The following STAT5A variants were observed in gnomAD, a reference collection of about 807,000 sequenced individuals.
STAT5A encodes the protein epididymis secretory sperm binding protein.
A neutral mutation model predicts 100.2 loss-of-function variants in STAT5A; 26 were observed. The ratio of observed to expected loss-of-function variants is 0.26; its 90% CI spans 0.19 to 0.36. The LOEUF (loss-of-function observed/expected upper bound fraction) is 0.36, where lower values mean the gene tolerates loss of function less well. STAT5A is among the 10% of genes least tolerant of loss of function. STAT5A has a pLI of 1.00. For synonymous variants in STAT5A, 330 were observed against 424.3 expected (o/e 0.78, Z 2.73); for missense variants, 634 against 1,027.5 (o/e 0.62, Z 5.24).
intron 4 of STAT5A, among the ~76,000 whole-genome samples, chr17:42,293,531 G>A (rs1292873603): frequency 2.6e-5 from 4 of 152,188 alleles, no homozygotes; most frequent in Non-Finnish European, 4.4e-5. Context: ...TTGTGGACAT[G>A]GATTTCAGGA....
chr17:42,306,559 A>ACT, intron 13 of STAT5A, 112 bp downstream of exon 13: 1 of 1,483,542 alleles, frequency 6.7e-7, no homozygotes, highest in Non-Finnish European at 9.2e-7. Context: ...ACCCCCAACC[A>ACT]CTCTCTCCTA....
chr17:42,287,941 T>G (rs1228141764), upstream of STAT5A: 1 of 152,236 alleles, frequency 6.6e-6, no homozygotes, highest in Non-Finnish European at 1.5e-5. Flanking sequence ...AATCCCCAGT[T>G]CTTCCCCTCT....
At chr17:42,306,126 C>A in intron 12 of STAT5A, 115 bp from the exon 13 acceptor site, 1 of 1,547,190 alleles carries the variant, frequency 6.5e-7, no homozygotes, top group Non-Finnish European at 8.8e-7. Flanking sequence ...ATTTGTGTCA[C>A]CTTTCTGGAT....
chr17:42,293,920 AATAG>A (rs757426183), intron 4 of STAT5A, among the ~76,000 whole-genome samples: 20 of 152,186 alleles, frequency 1.3e-4, no homozygotes, highest in Admixed American at 2.0e-4. Flanking sequence ...CATGGATAAA[AATAG>A]ATAGAGAGGG....
rs374882566 is a variant in STAT5A at position 42,311,092 on chromosome 17, G to C, written c.*423G>C. 17 of 216,576 alleles carry C rather than the reference G, an allele frequency of 7.8e-5. No homozygotes were observed. The highest frequency in any genetic ancestry group is 6.7e-4 in the East Asian group (7 of 10,418). The allele number at this position is 216,576 out of a possible 1,614,324, so 13.4% of individuals were successfully genotyped here. A position where few individuals can be genotyped will look rare whatever the true frequency, so the allele number is the denominator to read the frequency against. Reference sequence around the variant, plus strand: ...AGTGAGAAGCTTTGCCCTCCTAAGAGAGAGAGACAGAGAGACAGAGAGAGA... The same window carrying C: ...AGTGAGAAGCTTTGCCCTCCTAAGACAGAGAGACAGAGAGACAGAGAGAGA... On this transcript the variant is annotated 3_prime_UTR_variant, in exon 19 of 19. Transcript: ENST00000590949.
chr17:42,291,945 C>G, intron 3 of STAT5A, 27 bp from the exon 4 acceptor site: 1 of 1,611,610 alleles, frequency 6.2e-7, no homozygotes. Context: ...GAGGATGGCG[C>G]TGGAGGCTAC....
At chr17:42,295,402 C>T (rs2144512176) in intron 4 of STAT5A, among the ~76,000 whole-genome samples, 1 of 152,268 alleles carries the variant, frequency 6.6e-6, no homozygotes, top group South Asian at 2.1e-4. Flanking sequence ...CCGTTATCTG[C>T]CAGGTCACCT....
intron 18 of STAT5A, chr17:42,309,817 G>A (rs1367058523): frequency 4.1e-6 from 1 of 246,110 alleles, no homozygotes; most frequent in Non-Finnish European, 7.9e-6. Context: ...TCCACAGGGA[G>A]GGGCTTGGAA....
Position 42,304,506 on chromosome 17 carries a change from C to T in STAT5A, c.1258-24C>T. 1 of 1,614,162 alleles carries T rather than the reference C, an allele frequency of 6.2e-7. No individual in the cohort carries two copies. Among genetic ancestry groups the T allele is most frequent in the Non-Finnish European group, 8.5e-7 (1 of 1,180,006 alleles). On this transcript the variant is annotated intron_variant, in intron 10 of 18. Transcript: ENST00000590949. The surrounding 1 kb of genome is among the most constrained non-coding windows in gnomAD (Gnocchi z 4.8). ...TGTAAGCAGCCGCCATCTCCCTGTT[C>T]CCCTGTCACCTCCCACCCTGCAGTC...
chr17:42,308,830 A>T lies in STAT5A; in HGVS notation c.2063-217A>T, dbSNP rs1490477454. ...AGGGAGAGGGAAATCAGATGGCCAGAAAAAGAACCAGAAGGAATGGGATTC... is the reference window on the plus strand; with the variant it reads ...AGGGAGAGGGAAATCAGATGGCCAGTAAAAGAACCAGAAGGAATGGGATTC... On this transcript the variant is annotated intron_variant, in intron 16 of 18. Transcript: ENST00000590949. This position sits in a 1 kb window ranked among gnomAD's most constrained non-coding sequence, Gnocchi z 4.6. 3.3e-6 allele frequency: 2 copies of T among 612,804 alleles called. No homozygotes were observed. The highest frequency in any genetic ancestry group is 5.7e-6 in the Non-Finnish European group (2 of 347,914). 38.0% of individuals were successfully genotyped at this position (612,804 alleles called of 1,614,324 possible). A position where few individuals can be genotyped will look rare whatever the true frequency, so the allele number is the denominator to read the frequency against.
In STAT5A at chr17:42,300,123, C is replaced by G; in HGVS notation, c.682-7C>G. Reference sequence around the variant, plus strand: ...CCAGAAGGGGCTGCTCTCCTCCCTTCCCTCAGGAGCTGGCCGAGAAGCACC... The same window carrying G: ...CCAGAAGGGGCTGCTCTCCTCCCTTGCCTCAGGAGCTGGCCGAGAAGCACC... On this transcript the variant is annotated splice_polypyrimidine_tract_variant and splice_region_variant and intron_variant, in intron 6 of 18. Transcript: ENST00000590949. 1 of 1,387,926 alleles carries G rather than the reference C, an allele frequency of 7.2e-7. No homozygotes were observed. Among genetic ancestry groups the G allele is most frequent in the Non-Finnish European group, 9.7e-7 (1 of 1,027,894 alleles). The allele number at this position is 1,387,926 out of a possible 1,614,324, so 86.0% of individuals were successfully genotyped here.
chr17:42,307,510 G>GCT lies in STAT5A; in HGVS notation c.1775+15_1775+16dup. 6.2e-7 allele frequency: 1 copy of GCT among 1,614,090 alleles called. No individual in the cohort carries two copies. Among genetic ancestry groups the GCT allele is most frequent in the East Asian group, 2.2e-5 (1 of 44,882 alleles). On this transcript the variant is annotated intron_variant, in intron 14 of 18. Coordinates refer to ENST00000590949, the MANE Select transcript of STAT5A (RefSeq NM_001288718.2). Reference sequence around the variant, plus strand: ...CTGGAATGATGGGTAAGGAACGGGGGCTGCAGGGTCAGGGGCCAGCTGTGG... The same window carrying GCT: ...CTGGAATGATGGGTAAGGAACGGGGGCTCTGCAGGGTCAGGGGCCAGCTGTGG...
intron 5 of STAT5A, among the ~76,000 whole-genome samples, chr17:42,296,544 T>C (rs751398859): frequency 2.0e-5 from 3 of 152,166 alleles, no homozygotes; most frequent in Non-Finnish European, 4.4e-5. Flanking sequence ...GAACAAGGGG[T>C]GTCAAACTGC....
rs147743660 is a variant in STAT5A at position 42,288,902 on chromosome 17, C to G, written c.-11+304C>G. Among the ~76,000 whole-genome samples the G allele has an allele frequency of 8.8e-3, 1,342 of 152,328 alleles. 7 individuals are homozygous for G. Among genetic ancestry groups the G allele is most frequent in the Middle Eastern group, 0.031 (9 of 292 alleles). Reference sequence around the variant, plus strand: ...GGGAGCAGCCGAAGAGGGGAGCGCCCAAGTCCTCAGCCCTGTCTCCTGAAC... The same window carrying G: ...GGGAGCAGCCGAAGAGGGGAGCGCCGAAGTCCTCAGCCCTGTCTCCTGAAC... On this transcript the variant is annotated intron_variant, in intron 1 of 18. Transcript: ENST00000590949. The surrounding 1 kb of genome is among the most constrained non-coding windows in gnomAD (Gnocchi z 4.8).
chr17:42,304,673 G>A lies in STAT5A; in HGVS notation c.1380+21G>A. Reference sequence around the variant, plus strand: ...TGAAGGTGAGACCCCCAGCCCTCCTGCCCCCACTGCTCCAGGTCACCCAAG... The same window carrying A: ...TGAAGGTGAGACCCCCAGCCCTCCTACCCCCACTGCTCCAGGTCACCCAAG... On this transcript the variant is annotated intron_variant, in intron 11 of 18. Coordinates refer to ENST00000590949, the MANE Select transcript of STAT5A (RefSeq NM_001288718.2). The surrounding 1 kb of genome is among the most constrained non-coding windows in gnomAD (Gnocchi z 4.8). 1 of 1,613,254 alleles carries A rather than the reference G, an allele frequency of 6.2e-7. No homozygotes were observed. Among genetic ancestry groups the A allele is most frequent in the Non-Finnish European group, 8.5e-7 (1 of 1,179,512 alleles).
chr17:42,301,585 G>A, intron 9 of STAT5A, 131 bp downstream of exon 9: 1 of 1,360,352 alleles, frequency 7.4e-7, no homozygotes, highest in South Asian at 1.4e-5. Context: ...CGAACTCCTG[G>A]ACTCATGCAG....
intron 1 of STAT5A, 172 bp from the exon 2 acceptor site, chr17:42,289,230 G>T: frequency 1.6e-6 from 1 of 637,824 alleles, no homozygotes; most frequent in Non-Finnish European, 2.4e-6. Context: ...GGAGGGGATG[G>T]GCGGCCCTCC....
intron 4 of STAT5A, among the ~76,000 whole-genome samples, chr17:42,293,555 C>T (rs2080891462): frequency 6.6e-6 from 1 of 152,188 alleles, no homozygotes; most frequent in Non-Finnish European, 1.5e-5. Context: ...ACTCAGTAGA[C>T]ATTTATTGAG....
intron 17 of STAT5A, 27 bp downstream of exon 17, chr17:42,309,125 CCTT>C (rs749163959): frequency 2.0e-5 from 32 of 1,613,382 alleles, no homozygotes; most frequent in Non-Finnish European, 2.5e-5. Flanking sequence ...CTGTGGCTCT[CCTT>C]CTGCCTCTTT....
Sources: gnomAD v4.1 joint callset for allele counts (sites outside exome capture counted in the v4.1 genomes callset) on GRCh38, gnomAD v4.1.1 for gene constraint, Gnocchi (gnomAD v3.1) non-coding constraint, MANE v1.5 for transcripts, NCBI Gene and HGNC (gene_info 2026-07-23, HGNC 2026-07-21) for gene names.